Variants in ATF7IP observed in about 807,000 individuals in gnomAD.
ATF7IP encodes activating transcription factor 7 interacting protein.
ATF7IP carries 23 observed loss-of-function variants against 106.4 expected under a neutral mutation model. The ratio of observed to expected loss-of-function variants is 0.22; its 90% CI spans 0.16 to 0.31. The LOEUF (loss-of-function observed/expected upper bound fraction) is 0.31, where lower values mean the gene tolerates loss of function less well. Ranked by LOEUF, ATF7IP falls within the 10% of genes least tolerant of loss-of-function variation. The pLI is 1.00. For missense variants in ATF7IP, 1,334 were observed against 1,524.3 expected, an observed-to-expected ratio of 0.88 and a Z score of 2.08; for synonymous variants, 542 against 539.0, an observed-to-expected ratio of 1.01 and a Z score of -0.08.
intron 13 of ATF7IP, among the ~76,000 whole-genome samples, chr12:14,489,289 C>T (rs1944730155): frequency 6.6e-6 from 1 of 152,194 alleles, no homozygotes; most frequent in Non-Finnish European, 1.5e-5. Flanking sequence ...CAGTCCGGGA[C>T]AGTCACCACA....
chr12:14,401,904 G>A (rs957861431), intron 1 of ATF7IP, among the ~76,000 whole-genome samples: 1 of 150,048 alleles, frequency 6.7e-6, no homozygotes, highest in African/African-American at 2.5e-5. Context: ...AGTAGAGACG[G>A]GGTTTTACCT....
At position 14,441,591 on chromosome 12, in the gene ATF7IP, G is replaced by A. The variant is rs187182526; in HGVS notation, c.1929+3324G>A. Among the ~76,000 whole-genome samples, 1,296 of 146,654 alleles carry A rather than the reference G, an allele frequency of 8.8e-3. 13 individuals carry two copies. The highest frequency in any genetic ancestry group is 0.029 in the African/African-American group (1,141 of 39,734). The stretch of plus-strand genomic sequence containing the variant: ...TGCAAGCTCTGCCTCCCGGGTTCAC[G>A]CCATTCTCCTGCCTCAGCCTCCCGA... On this transcript the variant is annotated intron_variant, in intron 5 of 14. Coordinates refer to ENST00000261168, the MANE Select transcript of ATF7IP (RefSeq NM_018179.5).
intron 13 of ATF7IP, among the ~76,000 whole-genome samples, chr12:14,484,750 G>A (rs1944542184): frequency 6.6e-6 from 1 of 152,178 alleles, no homozygotes; most frequent in Non-Finnish European, 1.5e-5. Context: ...GGGCATTTGA[G>A]CCACTTCCTC....
chr12:14,487,059 G>C (rs942234293), intron 13 of ATF7IP, among the ~76,000 whole-genome samples: 1 of 152,046 alleles, frequency 6.6e-6, no homozygotes, highest in East Asian at 1.9e-4. Flanking sequence ...ATCATTTCCA[G>C]CTCACTCACA....
intron 9 of ATF7IP, among the ~76,000 whole-genome samples, chr12:14,465,137 C>T (rs939412529): frequency 2.0e-5 from 3 of 151,994 alleles, no homozygotes; most frequent in African/African-American, 4.8e-5. Flanking sequence ...AATCTCGAAC[C>T]TGGGAGATGG....
intron 10 of ATF7IP, among the ~76,000 whole-genome samples, chr12:14,469,229 G>A (rs1456742620): frequency 6.6e-6 from 1 of 151,874 alleles, no homozygotes; most frequent in Non-Finnish European, 1.5e-5. Flanking sequence ...TCGTGGTGGT[G>A]CACGCTTGTA....
chr12:14,440,415 T>A (rs1017308443), intron 5 of ATF7IP, among the ~76,000 whole-genome samples: 4 of 152,216 alleles, frequency 2.6e-5, no homozygotes, highest in African/African-American at 9.6e-5. Context: ...TTTAAAATTT[T>A]TAAATTTTAA....
chr12:14,439,286 T>C (rs1942579403), intron 5 of ATF7IP, among the ~76,000 whole-genome samples: 1 of 152,228 alleles, frequency 6.6e-6, no homozygotes, highest in African/African-American at 2.4e-5. Flanking sequence ...TAGGGCCTTA[T>C]TTTGCAAATG....
At chr12:14,425,548 T>C (rs1347240818) in intron 2 of ATF7IP, 75 bp downstream of exon 2, 27 of 1,394,570 alleles carry the variant, frequency 1.9e-5, no homozygotes, top group African/African-American at 2.9e-5. Flanking sequence ...TATCATAATG[T>C]TTTAAATTTA....
intron 1 of ATF7IP, among the ~76,000 whole-genome samples, chr12:14,377,633 T>C (rs1041096051): frequency 2.6e-5 from 4 of 151,536 alleles, no homozygotes; most frequent in African/African-American, 9.7e-5. Context: ...TTTTTTTTTT[T>C]GACAGAGTCT....
chr12:14,386,218 A>T (rs1423567137), intron 1 of ATF7IP, among the ~76,000 whole-genome samples: 2 of 152,136 alleles, frequency 1.3e-5, no homozygotes, highest in Non-Finnish European at 2.9e-5. Flanking sequence ...TTGTAAATTT[A>T]ATTTCAAAAA....
chr12:14,462,630 ATTAT>A (rs1344950686), intron 9 of ATF7IP, among the ~76,000 whole-genome samples: 1 of 152,020 alleles, frequency 6.6e-6, no homozygotes. Context: ...TTATAATTTC[ATTAT>A]TCTGTTCTCT....
intron 2 of ATF7IP, among the ~76,000 whole-genome samples, chr12:14,425,994 A>C (rs1171431422): frequency 2.0e-5 from 3 of 152,166 alleles, no homozygotes; most frequent in Non-Finnish European, 4.4e-5. Flanking sequence ...TTTGATAAAG[A>C]CTTTACCCAT....
intron 1 of ATF7IP, among the ~76,000 whole-genome samples, chr12:14,381,698 A>G (rs1346270455): frequency 1.3e-5 from 2 of 152,170 alleles, no homozygotes; most frequent in Non-Finnish European, 2.9e-5. Flanking sequence ...TGTTAATAAT[A>G]ACTTACAATT....
intron 1 of ATF7IP, among the ~76,000 whole-genome samples, chr12:14,421,310 G>T (rs1941493973): frequency 6.6e-6 from 1 of 152,174 alleles, no homozygotes; most frequent in Non-Finnish European, 1.5e-5. Context: ...TTCTGTTTAT[G>T]TGGTGAATTA....
At chr12:14,433,010 G>A (rs1463284530) in intron 2 of ATF7IP, among the ~76,000 whole-genome samples, 1 of 152,094 alleles carries the variant, frequency 6.6e-6, no homozygotes, top group Admixed American at 6.5e-5. Flanking sequence ...TAATTGTATA[G>A]ACATTTTTAG....
intron 1 of ATF7IP, among the ~76,000 whole-genome samples, chr12:14,412,491 C>T (rs1940976315): frequency 6.6e-6 from 1 of 151,722 alleles, no homozygotes; most frequent in African/African-American, 2.4e-5. Context: ...AAGTTTTGTA[C>T]TTCTTTGGCA....
At chr12:14,379,443 A>G (rs1329742154) in intron 1 of ATF7IP, among the ~76,000 whole-genome samples, 3 of 152,200 alleles carry the variant, frequency 2.0e-5, no homozygotes, top group South Asian at 4.1e-4. Context: ...GAATGAACTA[A>G]TACAACCATC....
Position 14,380,776 on chromosome 12 carries a change from C to T in ATF7IP, c.-8+14949C>T, listed in dbSNP as rs527894137. Among the ~76,000 whole-genome samples the T allele has an allele frequency of 2.5e-4, 38 of 152,242 alleles. 1 individual carries two copies. Among genetic ancestry groups the T allele is most frequent in the Middle Eastern group, 6.8e-3 (2 of 294 alleles). ...CTGGGATGACAGGTGTGTGCCACCA[C>T]GCCCAGCTAATTTTTGTATTTTTAG... On this transcript the variant is annotated intron_variant, in intron 1 of 14. Coordinates refer to ENST00000261168, the MANE Select transcript of ATF7IP (RefSeq NM_018179.5).
Sources: allele counts gnomAD v4.1 joint callset (sites outside exome capture counted in the v4.1 genomes callset), GRCh38; gene constraint gnomAD v4.1.1; transcripts MANE v1.5; gene names NCBI Gene and HGNC (gene_info 2026-07-23, HGNC 2026-07-21).